The following TMEM132D variants were observed in gnomAD, a reference collection of about 807,000 sequenced individuals.
TMEM132D encodes the protein transmembrane protein 132D.
Under a neutral mutation model 62.3 loss-of-function variants are expected in TMEM132D, and 21 were observed. That is an observed-to-expected ratio of 0.34 (90% CI 0.24 to 0.49). The LOEUF (loss-of-function observed/expected upper bound fraction) is 0.49, where lower values mean the gene tolerates loss of function less well. Among genes scored for constraint, TMEM132D ranks in the 20% least tolerant of loss-of-function variants. The pLI, the probability that TMEM132D is intolerant of heterozygous loss-of-function variation, is 0.99. For missense variants in TMEM132D, 1,346 were observed against 1,402.8 expected, an observed-to-expected ratio of 0.96 and a Z score of 0.65; for synonymous variants, 621 against 575.6, an observed-to-expected ratio of 1.08 and a Z score of -1.13.
At chr12:129,654,366 AACTTTGGT>A (rs1256645377) in intron 2 of TMEM132D, among the ~76,000 whole-genome samples, 1 of 144,560 alleles carries the variant, frequency 6.9e-6, no homozygotes, top group Non-Finnish European at 1.5e-5. Flanking sequence ...TGGTCTAAGA[AACTTTGGT>A]ACAGGTGTTT....
intron 2 of TMEM132D, among the ~76,000 whole-genome samples, chr12:129,636,737 T>TGTGTGTGTGTGTGAGAGAGAGA (rs375868329): frequency 2.0e-4 from 23 of 113,628 alleles, no homozygotes; most frequent in East Asian, 1.5e-3. Context: ...TGTGTGTGTG[T>TGTGTGTGTGTGTGAGAGAGAGA]GAGAGAGAGA....
intron 4 of TMEM132D, among the ~76,000 whole-genome samples, chr12:129,299,721 CT>C (rs1881664010): frequency 6.8e-6 from 1 of 148,134 alleles, no homozygotes; most frequent in African/African-American, 2.5e-5. Context: ...ATTTAATTTA[CT>C]GCTGAGAAAA....
intron 6 of TMEM132D, among the ~76,000 whole-genome samples, chr12:129,083,315 G>A (rs897871853): frequency 1.3e-5 from 2 of 152,098 alleles, no homozygotes; most frequent in Non-Finnish European, 2.9e-5. Flanking sequence ...GCACCTTCTC[G>A]GTCTCCATCA....
At chr12:129,703,588 A>G (rs1026378599) in intron 1 of TMEM132D, among the ~76,000 whole-genome samples, 1 of 152,196 alleles carries the variant, frequency 6.6e-6, no homozygotes, top group Admixed American at 6.5e-5. Flanking sequence ...ACTAAAGGAC[A>G]TGATTTTTAT....
intron 4 of TMEM132D, among the ~76,000 whole-genome samples, chr12:129,255,802 A>G (rs1880385138): frequency 6.6e-6 from 1 of 152,226 alleles, no homozygotes; most frequent in South Asian, 2.1e-4. Context: ...GAGAGGGGGA[A>G]AAACAGAGGA....
intron 2 of TMEM132D, among the ~76,000 whole-genome samples, chr12:129,661,247 G>A (rs181579154): frequency 2.6e-5 from 4 of 152,314 alleles, no homozygotes; most frequent in East Asian, 1.9e-4. Flanking sequence ...AGCCATGGAC[G>A]CAGGCATACT....
intron 4 of TMEM132D, among the ~76,000 whole-genome samples, chr12:129,288,264 T>C (rs1881359598): frequency 6.6e-6 from 1 of 152,204 alleles, no homozygotes; most frequent in African/African-American, 2.4e-5. Context: ...AATAAGCTTC[T>C]GCACAGCAAG....
chr12:129,139,599 G>A (rs145640255), intron 5 of TMEM132D, among the ~76,000 whole-genome samples: 1 of 152,310 alleles, frequency 6.6e-6, no homozygotes, highest in South Asian at 2.1e-4. Context: ...TGTGGATCTG[G>A]TGCCTGGTCA....
intron 1 of TMEM132D, among the ~76,000 whole-genome samples, chr12:129,837,792 C>T (rs963535222): frequency 6.6e-6 from 1 of 152,206 alleles, no homozygotes; most frequent in African/African-American, 2.4e-5. Flanking sequence ...TCCTGGACTT[C>T]CTGCCTCTCC....
At chr12:129,275,011 G>A (rs2135603922) in intron 4 of TMEM132D, among the ~76,000 whole-genome samples, 2 of 152,328 alleles carry the variant, frequency 1.3e-5, no homozygotes, top group Admixed American at 1.3e-4. Context: ...CAGATACAGT[G>A]GCTCAGGCCT....
At chr12:129,214,251 C>A (rs534466912) in intron 4 of TMEM132D, among the ~76,000 whole-genome samples, 1 of 144,570 alleles carries the variant, frequency 6.9e-6, no homozygotes, top group African/African-American at 2.6e-5. Flanking sequence ...TGGATTGGAA[C>A]CAGAATTAGA....
intron 3 of TMEM132D, among the ~76,000 whole-genome samples, chr12:129,380,785 C>A (rs1178151986): frequency 1.3e-5 from 2 of 152,098 alleles, no homozygotes; most frequent in South Asian, 4.2e-4. Flanking sequence ...AACTCCACCC[C>A]ATTTCAAAAA....
At chr12:129,876,073 T>C (rs1405047650) in intron 1 of TMEM132D, among the ~76,000 whole-genome samples, 1 of 152,138 alleles carries the variant, frequency 6.6e-6, no homozygotes, top group East Asian at 1.9e-4. Context: ...TAAAACATGG[T>C]TCCTGGTCTC....
At chr12:129,235,781 C>G (rs1879762650) in intron 4 of TMEM132D, among the ~76,000 whole-genome samples, 1 of 151,988 alleles carries the variant, frequency 6.6e-6, no homozygotes, top group Non-Finnish European at 1.5e-5. Flanking sequence ...AGTGTGACAC[C>G]TCTGGCTTTC....
intron 1 of TMEM132D, among the ~76,000 whole-genome samples, chr12:129,771,134 A>T (rs1435862025): frequency 6.6e-6 from 1 of 152,176 alleles, no homozygotes; most frequent in Non-Finnish European, 1.5e-5. Flanking sequence ...ATGTCTGCAG[A>T]ATGTGTGTAC....
intron 3 of TMEM132D, among the ~76,000 whole-genome samples, chr12:129,383,278 G>A (rs372454930): frequency 1.3e-5 from 2 of 152,258 alleles, no homozygotes; most frequent in East Asian, 1.9e-4. Context: ...TCACTGCAAG[G>A]GACCCTGGGA....
At chr12:129,190,758 C>T (rs1878374812) in intron 5 of TMEM132D, among the ~76,000 whole-genome samples, 1 of 152,220 alleles carries the variant, frequency 6.6e-6, no homozygotes, top group African/African-American at 2.4e-5. Context: ...ACCTACAGAA[C>T]TGTAAGATAA....
intron 1 of TMEM132D, among the ~76,000 whole-genome samples, chr12:129,874,260 C>T (rs955772207): frequency 6.6e-6 from 1 of 152,002 alleles, no homozygotes; most frequent in African/African-American, 2.4e-5. Context: ...TGATGACGTA[C>T]ACCATAAATA....
intron 2 of TMEM132D, among the ~76,000 whole-genome samples, chr12:129,658,367 G>T (rs988654066): frequency 2.0e-5 from 3 of 152,106 alleles, no homozygotes; most frequent in African/African-American, 7.2e-5. Flanking sequence ...CTAAGAGGGG[G>T]TGTATTACTT....
Sources: gnomAD v4.1 joint callset for allele counts (sites outside exome capture counted in the v4.1 genomes callset) on GRCh38, gnomAD v4.1.1 for gene constraint, MANE v1.5 for transcripts, NCBI Gene and HGNC (gene_info 2026-07-23, HGNC 2026-07-21) for gene names.